The following HS3ST4 variants were observed in gnomAD, a reference collection of about 807,000 sequenced individuals.
HS3ST4 encodes heparan sulfate-glucosamine 3-sulfotransferase 4.
HS3ST4 carries 17 observed loss-of-function variants against 29.2 expected under a neutral mutation model. That is an observed-to-expected ratio of 0.58 (90% CI 0.40 to 0.87). HS3ST4 has a LOEUF of 0.87. Among genes scored for constraint, HS3ST4 ranks in the 40% least tolerant of loss-of-function variants. The probability of loss-of-function intolerance (pLI) is 0.00; values close to 1 mark genes in which losing one functional copy is unlikely to be tolerated. For missense variants in HS3ST4, 627 were observed against 634.5 expected (o/e 0.99, Z 0.13); for synonymous variants, 314 against 285.7 (o/e 1.10, Z -1.00).
At chr16:26,115,046 A>T (rs1412388121) in intron 1 of HS3ST4, among the ~76,000 whole-genome samples, 3 of 152,166 alleles carry the variant, frequency 2.0e-5, no homozygotes, top group Non-Finnish European at 4.4e-5. Context: ...TCATTTTAAA[A>T]GTGATATGTA....
At chr16:25,703,018 G>C (rs924161580) in intron 1 of HS3ST4, among the ~76,000 whole-genome samples, 18 of 152,110 alleles carry the variant, frequency 1.2e-4, no homozygotes, top group African/African-American at 4.1e-4. Flanking sequence ...AATTAGCCGG[G>C]CATGGTGATG....
intron 1 of HS3ST4, among the ~76,000 whole-genome samples, chr16:26,104,556 C>T (rs770122978): frequency 2.0e-5 from 3 of 152,150 alleles, no homozygotes; most frequent in Non-Finnish European, 4.4e-5. Context: ...TCCTCAGTGG[C>T]TTTCTCTATT....
chr16:25,891,387 G>A (rs1411828547), intron 1 of HS3ST4, among the ~76,000 whole-genome samples: 1 of 152,092 alleles, frequency 6.6e-6, no homozygotes, highest in Non-Finnish European at 1.5e-5. Flanking sequence ...CTGGTGGCTG[G>A]GACTTCAGCT....
At chr16:25,744,590 G>A (rs757635728) in intron 1 of HS3ST4, among the ~76,000 whole-genome samples, 2 of 151,922 alleles carry the variant, frequency 1.3e-5, no homozygotes, top group Non-Finnish European at 2.9e-5. Context: ...GATGCCTCAG[G>A]GATCAAGATG....
intron 1 of HS3ST4, among the ~76,000 whole-genome samples, chr16:25,921,448 A>G (rs534801671): frequency 1.1e-4 from 16 of 152,222 alleles, no homozygotes; most frequent in Non-Finnish European, 2.2e-4. Context: ...ATAAGCCACA[A>G]AGTCAGGCTT....
chr16:25,817,722 A>G (rs531242950), intron 1 of HS3ST4, among the ~76,000 whole-genome samples: 1 of 152,348 alleles, frequency 6.6e-6, no homozygotes, highest in Admixed American at 6.5e-5. Context: ...TTATTCATCA[A>G]CATACAGAGG....
intron 1 of HS3ST4, among the ~76,000 whole-genome samples, chr16:26,019,954 T>C (rs1298170063): frequency 6.6e-6 from 1 of 152,138 alleles, no homozygotes; most frequent in Non-Finnish European, 1.5e-5. Flanking sequence ...CACTTCACTT[T>C]CTCTCCAGCG....
At chr16:25,904,155 A>AATGGATGGATGGATGGATGG (rs1968154936) in intron 1 of HS3ST4, among the ~76,000 whole-genome samples, 1 of 52,648 alleles carries the variant, frequency 1.9e-5, no homozygotes, top group African/African-American at 9.3e-5. Context: ...TGGATGGATG[A>AATGGATGGATGGATGGATGG]ATGGATGAAT....
chr16:26,019,623 G>T (rs1487412016), intron 1 of HS3ST4, among the ~76,000 whole-genome samples: 1 of 152,116 alleles, frequency 6.6e-6, no homozygotes, highest in East Asian at 1.9e-4. Flanking sequence ...AGGGCGGCGG[G>T]TCCGTCTGGC....
At chr16:25,766,135 A>AGCT (rs1966817796) in intron 1 of HS3ST4, among the ~76,000 whole-genome samples, 1 of 151,950 alleles carries the variant, frequency 6.6e-6, no homozygotes, top group Admixed American at 6.6e-5. Context: ...ATCATCTAGT[A>AGCT]GCTGTGTGGT....
intron 1 of HS3ST4, among the ~76,000 whole-genome samples, chr16:26,007,214 C>T (rs1043264812): frequency 2.0e-5 from 3 of 152,204 alleles, no homozygotes; most frequent in Admixed American, 6.5e-5. Flanking sequence ...GGCACATGCT[C>T]TTCAGGTCCC....
chr16:25,865,935 C>T (rs1967690166), intron 1 of HS3ST4, among the ~76,000 whole-genome samples: 1 of 151,900 alleles, frequency 6.6e-6, no homozygotes. Flanking sequence ...AAATATAACC[C>T]CAAAAGCATA....
intron 1 of HS3ST4, among the ~76,000 whole-genome samples, chr16:26,067,168 C>T (rs1301065071): frequency 6.6e-6 from 1 of 152,078 alleles, no homozygotes; most frequent in African/African-American, 2.4e-5. Context: ...AAACAAATTG[C>T]AATTGAAATA....
At chr16:25,700,855 A>G (rs1290194281) in intron 1 of HS3ST4, among the ~76,000 whole-genome samples, 3 of 151,316 alleles carry the variant, frequency 2.0e-5, no homozygotes, top group Non-Finnish European at 4.4e-5. Flanking sequence ...TGTACTCACT[A>G]CTTAGGACTT....
At chr16:25,894,469 C>T (rs543765815) in intron 1 of HS3ST4, among the ~76,000 whole-genome samples, 14 of 150,736 alleles carry the variant, frequency 9.3e-5, no homozygotes, top group South Asian at 2.1e-4. Context: ...AATACTGTGG[C>T]GTCCTGTGGT....
At chr16:25,855,215 C>T (rs1967563628) in intron 1 of HS3ST4, among the ~76,000 whole-genome samples, 1 of 152,068 alleles carries the variant, frequency 6.6e-6, no homozygotes, top group Non-Finnish European at 1.5e-5. Context: ...GAAAAAAATT[C>T]TTGAGTTCAG....
intron 1 of HS3ST4, among the ~76,000 whole-genome samples, chr16:26,019,473 T>C (rs1314493827): frequency 6.6e-6 from 1 of 152,166 alleles, no homozygotes; most frequent in Non-Finnish European, 1.5e-5. Context: ...GCATTTTCAT[T>C]TTTCTATAGG....
At chr16:25,702,608 TA>T (rs1966341597) in intron 1 of HS3ST4, among the ~76,000 whole-genome samples, 1 of 152,180 alleles carries the variant, frequency 6.6e-6, no homozygotes, top group African/African-American at 2.4e-5. Context: ...CATTGATGCC[TA>T]AATTGAGATC....
At chr16:26,042,394 G>A (rs1416438986) in intron 1 of HS3ST4, among the ~76,000 whole-genome samples, 1 of 151,856 alleles carries the variant, frequency 6.6e-6, no homozygotes, top group Non-Finnish European at 1.5e-5. Flanking sequence ...TTCAGCAGTT[G>A]TAAAATGGAG....
Sources: allele counts gnomAD v4.1 joint callset (sites outside exome capture counted in the v4.1 genomes callset), GRCh38; gene constraint gnomAD v4.1.1; transcripts MANE v1.5; gene names NCBI Gene and HGNC (gene_info 2026-07-23, HGNC 2026-07-21).